The following IFT52 variants were observed in gnomAD, a reference collection of about 807,000 sequenced individuals.
The protein encoded by IFT52 is intraflagellar transport protein 52 homolog.
IFT52 carries 44 observed loss-of-function variants against 54.4 expected under a neutral mutation model. That is an observed-to-expected ratio of 0.81 (90% CI 0.63 to 1.04). The LOEUF is 1.04. IFT52 is among the 50% of genes least tolerant of loss of function. The probability of loss-of-function intolerance (pLI) is 0.00; values close to 1 mark genes in which losing one functional copy is unlikely to be tolerated. For missense variants in IFT52, 452 were observed against 523.6 expected (o/e 0.86, Z 1.33); for synonymous variants, 181 against 185.3 (o/e 0.98, Z 0.19).
chr20:43,604,389 G>A (rs772828223), intron 5 of IFT52, 131 bp downstream of exon 5: 18 of 592,328 alleles, frequency 3.0e-5, no homozygotes, highest in South Asian at 2.1e-4. Context: ...GGCCAACATG[G>A]TGAAACCCCA....
chr20:43,606,297 G>A (rs1450179175), intron 6 of IFT52, among the ~76,000 whole-genome samples: 6 of 132,802 alleles, frequency 4.5e-5, no homozygotes, highest in Non-Finnish European at 7.9e-5. Context: ...TTTTTGAGAT[G>A]GAGTCTCACT....
rs1361953347 is a variant in IFT52 at position 43,647,163 on chromosome 20, T to A, written c.*180T>A. 8.5e-6 allele frequency: 5 copies of A among 589,516 alleles called. No homozygotes were observed. The allele number at this position is 589,516 out of a possible 1,614,324, so 36.5% of individuals were successfully genotyped here. A position where few individuals can be genotyped will look rare whatever the true frequency, so the allele number is the denominator to read the frequency against. On this transcript the variant is annotated 3_prime_UTR_variant, in exon 14 of 14. Coordinates refer to ENST00000373030, the MANE Select transcript of IFT52 (RefSeq NM_016004.5). ...TAAGATTTTTCACAAAATCCTTATG[T>A]AAGATACATTCCATTTTTAAAAATT... is the stretch of plus-strand genomic sequence containing the variant.
In IFT52 at chr20:43,604,189, T is replaced by C; in HGVS notation, c.344T>C (p.Val115Ala). The C allele has an allele frequency of 6.2e-7, 1 of 1,604,640 alleles. No individual in the cohort carries two copies. Among genetic ancestry groups the C allele is most frequent in the Non-Finnish European group, 8.5e-7 (1 of 1,171,362 alleles). ...TTCTCTTTTTCCCTCATAGATGCTG[T>C]GGTTAGAAATGTATATCACAAATAT... ...EYGIMVNNDAVVRNVYHKYFH... is the reference protein window; with the variant it reads ...EYGIMVNNDAAVRNVYHKYFH... The change falls in exon 5 of 14, where the codon GTG becomes GCG. Residue 115 changes from valine (V) to alanine (A), a missense_variant. By Grantham distance (64) the Val-to-Ala change is moderately conservative (BLOSUM62 0). Coordinates refer to ENST00000373030, the MANE Select transcript of IFT52 (RefSeq NM_016004.5).
intron 3 of IFT52, among the ~76,000 whole-genome samples, chr20:43,599,604 G>A (rs1982265104): frequency 6.6e-6 from 1 of 152,164 alleles, no homozygotes; most frequent in Non-Finnish European, 1.5e-5. Flanking sequence ...GCTCATGCTT[G>A]TGAGATCACT....
In IFT52 at chr20:43,594,782, G is replaced by A. The variant is rs749992688; in HGVS notation, c.84G>A (p.Met28Ile). ...IFTTNNGYKS[M>I]QKKLRSNWKI... is the part of the protein sequence containing the mutation. ...CCACCAACAATGGCTACAAATCCAT[G>A]CAGAAAAAACTTCGGAGTAATTGGA... The change falls in exon 2 of 14, where the codon ATG becomes ATA. Residue 28 changes from methionine to isoleucine, a missense_variant. Transcript: ENST00000373030. 1.2e-6 allele frequency: 2 copies of A among 1,611,484 alleles called. No individual in the cohort carries two copies. Among genetic ancestry groups the A allele is most frequent in the South Asian group, 2.2e-5 (2 of 90,998 alleles).
intron 5 of IFT52, 116 bp from the exon 6 acceptor site, chr20:43,604,886 A>G: frequency 9.9e-7 from 1 of 1,009,590 alleles, no homozygotes; most frequent in Non-Finnish European, 1.5e-6. Flanking sequence ...TGCAGCCTTG[A>G]CCTCCCAGGC....
intron 6 of IFT52, among the ~76,000 whole-genome samples, chr20:43,609,189 C>T (rs1333853783): frequency 6.6e-6 from 1 of 152,024 alleles, no homozygotes; most frequent in African/African-American, 2.4e-5. Flanking sequence ...CTGCAGTGAG[C>T]CGTGATCATG....
At chr20:43,641,382 G>C (rs1016468854) in intron 12 of IFT52, among the ~76,000 whole-genome samples, 1 of 151,826 alleles carries the variant, frequency 6.6e-6, no homozygotes, top group African/African-American at 2.4e-5. Context: ...GGGATTATAG[G>C]CATGCACCAC....
intron 9 of IFT52, among the ~76,000 whole-genome samples, chr20:43,622,427 T>A (rs1205463661): frequency 7.4e-6 from 1 of 135,230 alleles, no homozygotes; most frequent in East Asian, 2.2e-4. Context: ...TGAAACCCCA[T>A]TTCTACTAAA....
At chr20:43,628,118 G>A (rs1984882817) in intron 10 of IFT52, among the ~76,000 whole-genome samples, 3 of 151,734 alleles carry the variant, frequency 2.0e-5, no homozygotes, top group African/African-American at 7.3e-5. Flanking sequence ...TAGTAGAGAC[G>A]GGGTTTCACC....
intron 10 of IFT52, among the ~76,000 whole-genome samples, chr20:43,632,612 C>G (rs1204829521): frequency 1.3e-5 from 2 of 152,140 alleles, no homozygotes; most frequent in African/African-American, 4.8e-5. Flanking sequence ...TCCCCTCCCC[C>G]TACAATGTAA....
At chr20:43,624,352 G>A (rs1984568299) in intron 10 of IFT52, among the ~76,000 whole-genome samples, 1 of 152,124 alleles carries the variant, frequency 6.6e-6, no homozygotes, top group Non-Finnish European at 1.5e-5. Flanking sequence ...GGAAAATGGA[G>A]TCCCAAGTCC....
At chr20:43,602,143 T>TTTATTTA (rs11472130) in intron 3 of IFT52, among the ~76,000 whole-genome samples, 50,653 of 145,376 alleles carry the variant, frequency 0.35, 9,662 homozygotes, top group East Asian at 0.61. Flanking sequence ...CTGATTTTTA[T>TTTATTTA]TTTATTTATT....
intron 9 of IFT52, among the ~76,000 whole-genome samples, chr20:43,622,931 A>G (rs983622654): frequency 1.3e-5 from 2 of 151,798 alleles, no homozygotes; most frequent in African/African-American, 4.8e-5. Flanking sequence ...GTCATGACTG[A>G]GGGCTCTCAG....
At chr20:43,604,893 A>G in intron 5 of IFT52, 109 bp from the exon 6 acceptor site, 1 of 1,126,148 alleles carries the variant, frequency 8.9e-7, no homozygotes, top group Non-Finnish European at 1.3e-6. Flanking sequence ...TTGACCTCCC[A>G]GGCTTAAGCA....
At chr20:43,642,978 C>T (rs1042965987) in intron 13 of IFT52, among the ~76,000 whole-genome samples, 2 of 151,804 alleles carry the variant, frequency 1.3e-5, no homozygotes, top group African/African-American at 4.8e-5. Flanking sequence ...ACCAGCCTGA[C>T]CAACATGGTG....
At chr20:43,604,785 T>C (rs1412559134) in intron 5 of IFT52, among the ~76,000 whole-genome samples, 2 of 152,106 alleles carry the variant, frequency 1.3e-5, no homozygotes, top group Non-Finnish European at 2.9e-5. Flanking sequence ...TCACATTCAA[T>C]TTATTTTTTG....
intron 3 of IFT52, among the ~76,000 whole-genome samples, chr20:43,597,034 C>T (rs1982025316): frequency 1.3e-5 from 2 of 151,174 alleles, no homozygotes; most frequent in African/African-American, 4.9e-5. Flanking sequence ...AGCCACCGAG[C>T]CCAGCCAGTA....
intron 3 of IFT52, among the ~76,000 whole-genome samples, chr20:43,602,690 G>A (rs763773246): frequency 6.6e-6 from 1 of 151,028 alleles, no homozygotes; most frequent in South Asian, 2.1e-4. Flanking sequence ...TGCATTTTTA[G>A]TAGAGACGGG....
Sources: allele counts gnomAD v4.1 joint callset (sites outside exome capture counted in the v4.1 genomes callset), GRCh38; gene constraint gnomAD v4.1.1; transcripts MANE v1.5; gene names NCBI Gene and HGNC (gene_info 2026-07-23, HGNC 2026-07-21).